The following SH2D4A variants were observed in gnomAD, a reference collection of about 807,000 sequenced individuals.
SH2D4A encodes SH2 domain-containing protein 4A.
A neutral mutation model predicts 64.7 loss-of-function variants in SH2D4A; 70 were observed. That is an observed-to-expected ratio of 1.08 (90% CI 0.89 to 1.32). The LOEUF (loss-of-function observed/expected upper bound fraction) is 1.32, where lower values mean the gene tolerates loss of function less well. Ranked by LOEUF, SH2D4A falls within the 40% of genes most tolerant of loss-of-function variation. The probability of loss-of-function intolerance (pLI) is 0.00; values close to 1 mark genes in which losing one functional copy is unlikely to be tolerated. For synonymous variants in SH2D4A, 268 were observed against 200.7 expected (o/e 1.34, Z -2.83); for missense variants, 706 against 540.1 (o/e 1.31, Z -3.04).
chr8:19,381,078 G>C (rs768118561), intron 8 of SH2D4A, among the ~76,000 whole-genome samples: 2 of 148,234 alleles, frequency 1.3e-5, no homozygotes, highest in African/African-American at 5.0e-5. Flanking sequence ...GTCTTGCTCT[G>C]TTGCCTAGGC....
chr8:19,377,290 G>C (rs1348152537), intron 8 of SH2D4A, among the ~76,000 whole-genome samples: 1 of 152,232 alleles, frequency 6.6e-6, no homozygotes, highest in Admixed American at 6.5e-5. Context: ...GCTGAGGCAG[G>C]AGAATTGCTT....
chr8:19,351,572 C>T (rs1354991546), intron 4 of SH2D4A, among the ~76,000 whole-genome samples: 1 of 151,844 alleles, frequency 6.6e-6, no homozygotes, highest in Non-Finnish European at 1.5e-5. Context: ...CACTGTATTC[C>T]AGCCTGGGCA....
At chr8:19,381,057 T>A (rs2053284850) in intron 8 of SH2D4A, among the ~76,000 whole-genome samples, 1 of 152,082 alleles carries the variant, frequency 6.6e-6, no homozygotes, top group South Asian at 2.1e-4. Context: ...TTTTTTTTTT[T>A]TTTAGACGGA....
intron 7 of SH2D4A, among the ~76,000 whole-genome samples, chr8:19,366,735 T>C (rs531538577): frequency 1.4e-3 from 213 of 151,266 alleles, no homozygotes; most frequent in African/African-American, 5.1e-3. Flanking sequence ...AAGGCTGTTG[T>C]GAGCCAAGAT....
chr8:19,331,096 T>C (rs2052358868), intron 2 of SH2D4A, among the ~76,000 whole-genome samples: 2 of 152,170 alleles, frequency 1.3e-5, no homozygotes, highest in African/African-American at 4.8e-5. Context: ...GCCCAGCGTC[T>C]CTGTTTAGAA....
chr8:19,372,029 G>T (rs2053108727), intron 7 of SH2D4A, among the ~76,000 whole-genome samples: 1 of 152,136 alleles, frequency 6.6e-6, no homozygotes, highest in Non-Finnish European at 1.5e-5. Context: ...GGCTTGACCT[G>T]TGGTATCTTA....
intron 4 of SH2D4A, among the ~76,000 whole-genome samples, chr8:19,347,637 C>T (rs2052633710): frequency 6.6e-6 from 1 of 152,216 alleles, no homozygotes; most frequent in Admixed American, 6.5e-5. Flanking sequence ...TATCTGCTCA[C>T]TTTTAGATTT....
At chr8:19,390,874 A>T (rs2053481295) in intron 8 of SH2D4A, among the ~76,000 whole-genome samples, 1 of 152,074 alleles carries the variant, frequency 6.6e-6, no homozygotes, top group South Asian at 2.1e-4. Flanking sequence ...AAGGAATTTG[A>T]CCTTACTTAG....
intron 7 of SH2D4A, among the ~76,000 whole-genome samples, chr8:19,369,424 T>G (rs1010667664): frequency 1.3e-5 from 2 of 152,160 alleles, no homozygotes; most frequent in Non-Finnish European, 2.9e-5. Flanking sequence ...TTAGTATTTC[T>G]TTAAATGATT....
rs181962061 is a variant in SH2D4A at position 19,395,903 on chromosome 8, C to G, written c.*1261C>G. The G allele has an allele frequency of 6.6e-6, 1 of 151,256 alleles. No individual in the cohort carries two copies. The highest frequency in any genetic ancestry group is 2.4e-5 in the African/African-American group (1 of 41,160). The allele number at this position is 151,256 out of a possible 1,614,324, so 9.4% of individuals were successfully genotyped here. A position where few individuals can be genotyped will look rare whatever the true frequency, so the allele number is the denominator to read the frequency against. The stretch of plus-strand genomic sequence containing the variant: ...AATTACATAACCTGACACACAAGAT[C>G]GACCCATTCACTGCTGCCCAGTCCA... On this transcript the variant is annotated 3_prime_UTR_variant, in exon 10 of 10. Coordinates refer to ENST00000265807, the MANE Select transcript of SH2D4A (RefSeq NM_022071.4).
intron 7 of SH2D4A, among the ~76,000 whole-genome samples, chr8:19,370,472 T>A: frequency 6.6e-6 from 1 of 152,106 alleles, no homozygotes; most frequent in East Asian, 1.9e-4. Context: ...TTGAACTCTT[T>A]ATTATTGTAT....
intron 8 of SH2D4A, among the ~76,000 whole-genome samples, chr8:19,379,786 G>C (rs2053261373): frequency 6.6e-6 from 1 of 152,062 alleles, no homozygotes; most frequent in Admixed American, 6.6e-5. Flanking sequence ...GCCTAGGCTG[G>C]AGCGCAGTGG....
chr8:19,363,476 G>A (rs73601145), intron 6 of SH2D4A, among the ~76,000 whole-genome samples: 2,888 of 152,264 alleles, frequency 0.019, 88 homozygotes, highest in African/African-American at 0.065. Flanking sequence ...ACTAGTGACT[G>A]TAATATTAAA....
intron 8 of SH2D4A, among the ~76,000 whole-genome samples, chr8:19,383,056 A>G (rs1406517882): frequency 6.6e-6 from 1 of 151,564 alleles, no homozygotes; most frequent in East Asian, 1.9e-4. Flanking sequence ...CTTTAAGTTC[A>G]TCTCACTTGG....
intron 8 of SH2D4A, among the ~76,000 whole-genome samples, chr8:19,386,187 T>G (rs2053388841): frequency 6.6e-6 from 1 of 152,200 alleles, no homozygotes; most frequent in Non-Finnish European, 1.5e-5. Flanking sequence ...AAAGCACGTT[T>G]TGTCCAAATT....
Position 19,388,314 on chromosome 8 carries a change from G to A in SH2D4A, c.1049-5004G>A, listed in dbSNP as rs555866831. On this transcript the variant is annotated intron_variant, in intron 8 of 9. Transcript: ENST00000265807. ...TAAAATACAGATGACGATAATATCA[G>A]CTCTGCTTTTTAGAGGAAGCAACTC... is the stretch of plus-strand genomic sequence containing the variant. Among the ~76,000 whole-genome samples, 6 of 152,296 alleles carry A rather than the reference G, an allele frequency of 3.9e-5. No homozygotes were observed. The East Asian group carries it at 1.2e-3, about 29-fold the overall frequency.
At chr8:19,385,478 G>C (rs1007190768) in intron 8 of SH2D4A, among the ~76,000 whole-genome samples, 4 of 152,128 alleles carry the variant, frequency 2.6e-5, no homozygotes, top group Non-Finnish European at 2.9e-5. Context: ...TGGGATTACA[G>C]GCCTGAGCCA....
chr8:19,340,083 G>T (rs2052504205), intron 4 of SH2D4A, among the ~76,000 whole-genome samples: 1 of 152,170 alleles, frequency 6.6e-6, no homozygotes, highest in African/African-American at 2.4e-5. Context: ...AGGAGCCAAG[G>T]ATGGCTTTGC....
At chr8:19,317,303 A>ATTTTTTTTTTTTTTTTTTT (rs761621347) in intron 1 of SH2D4A, among the ~76,000 whole-genome samples, 4 of 97,372 alleles carry the variant, frequency 4.1e-5, no homozygotes, top group Non-Finnish European at 8.1e-5. Flanking sequence ...CAAGACATCC[A>ATTTTTTTTTTTTTTTTTTT]TTTTTTTTTT....
Sources: allele counts gnomAD v4.1 joint callset (sites outside exome capture counted in the v4.1 genomes callset), GRCh38; gene constraint gnomAD v4.1.1; transcripts MANE v1.5; gene names NCBI Gene and HGNC (gene_info 2026-07-23, HGNC 2026-07-21).